Variants in NXPE2 observed in about 807,000 individuals in gnomAD.
NXPE2 encodes the protein NXPE family member 2.
NXPE2 carries 34 observed loss-of-function variants against 34.4 expected under a neutral mutation model. The ratio of observed to expected loss-of-function variants is 0.99; its 90% CI spans 0.75 to 1.31. The LOEUF is 1.31. NXPE2 is among the 40% of genes most tolerant of loss of function. NXPE2 has a pLI of 0.00. For missense variants in NXPE2, 649 were observed against 672.5 expected (o/e 0.97, Z 0.39); for synonymous variants, 235 against 231.3 (o/e 1.02, Z -0.15).
the NXPE2 span, among the ~76,000 whole-genome samples, chr11:114,622,352 G>T: frequency 2.6e-4 from 40 of 151,942 alleles, no homozygotes; most frequent in Non-Finnish European, 5.3e-4. Context: ...GTGTTGCCTC[G>T]TGGGTAACCA....
the NXPE2 span, among the ~76,000 whole-genome samples, chr11:114,785,810 A>G: frequency 6.6e-6 from 1 of 152,176 alleles, no homozygotes; most frequent in Non-Finnish European, 1.5e-5. Flanking sequence ...CCTAAATCCT[A>G]TTTTATAATA....
At chr11:114,672,978 G>T in the NXPE2 span, among the ~76,000 whole-genome samples, 1 of 150,780 alleles carries the variant, frequency 6.6e-6, no homozygotes, top group Admixed American at 6.6e-5. Context: ...AGAACATTCT[G>T]CCCAACAACA....
At chr11:114,513,284 A>T in the NXPE2 span, 1 of 468,270 alleles carries the variant, frequency 2.1e-6, no homozygotes. Flanking sequence ...GGTTGTGTTC[A>T]TGTGGGTGAA....
At chr11:114,764,706 C>T in the NXPE2 span, among the ~76,000 whole-genome samples, 2 of 152,124 alleles carry the variant, frequency 1.3e-5, no homozygotes, top group Non-Finnish European at 2.9e-5. Flanking sequence ...CTATACTAAC[C>T]TCAGGAGGCA....
the NXPE2 span, among the ~76,000 whole-genome samples, chr11:114,597,899 C>G: frequency 6.6e-6 from 1 of 152,050 alleles, no homozygotes; most frequent in Non-Finnish European, 1.5e-5. Context: ...TCTCACATTT[C>G]AAAATACAAT....
chr11:114,644,002 G>A, the NXPE2 span, among the ~76,000 whole-genome samples: 1 of 151,992 alleles, frequency 6.6e-6, no homozygotes, highest in African/African-American at 2.4e-5. Flanking sequence ...TGTATTGCTA[G>A]GCATTTTATT....
the NXPE2 span, among the ~76,000 whole-genome samples, chr11:114,535,178 A>C: frequency 6.6e-6 from 1 of 152,170 alleles, no homozygotes; most frequent in African/African-American, 2.4e-5. Context: ...ATCCAACCAA[A>C]CTAAGCTTCA....
chr11:114,807,925 T>A, the NXPE2 span, among the ~76,000 whole-genome samples: 1 of 152,168 alleles, frequency 6.6e-6, no homozygotes, highest in African/African-American at 2.4e-5. Flanking sequence ...TACTCCAAAA[T>A]TGACCACATA....
chr11:114,649,870 G>A, the NXPE2 span, among the ~76,000 whole-genome samples: 3 of 152,302 alleles, frequency 2.0e-5, no homozygotes, highest in Non-Finnish European at 4.4e-5. Flanking sequence ...CAGTTACAAT[G>A]TTTTACTAAG....
chr11:114,598,941 T>G, the NXPE2 span, among the ~76,000 whole-genome samples: 123 of 152,342 alleles, frequency 8.1e-4, 1 homozygote, highest in African/African-American at 2.8e-3. Context: ...TTATGCAAAT[T>G]TCTGCAGCCT....
chr11:114,624,638 A>G, the NXPE2 span, among the ~76,000 whole-genome samples: 4 of 152,012 alleles, frequency 2.6e-5, no homozygotes, highest in African/African-American at 9.7e-5. Context: ...CCCAGTGGAT[A>G]ATAAGTATTG....
chr11:114,779,482 C>T, the NXPE2 span, among the ~76,000 whole-genome samples: 15 of 152,058 alleles, frequency 9.9e-5, no homozygotes, highest in Admixed American at 3.9e-4. Flanking sequence ...CCACTTGGAG[C>T]GGGGAGATCG....
At chr11:114,470,384 C>T in the NXPE2 span, among the ~76,000 whole-genome samples, 1 of 152,110 alleles carries the variant, frequency 6.6e-6, no homozygotes. Flanking sequence ...GGATTTTAGA[C>T]ATTTAAATAG....
At chr11:114,691,150 T>G (rs556506942) in intron 2 of NXPE2, among the ~76,000 whole-genome samples, 1 of 152,270 alleles carries the variant, frequency 6.6e-6, no homozygotes, top group African/African-American at 2.4e-5. Context: ...AACACTCTGG[T>G]TTTTTGTATT....
the NXPE2 span, among the ~76,000 whole-genome samples, chr11:114,627,754 T>A: frequency 1.3e-5 from 2 of 152,128 alleles, no homozygotes; most frequent in African/African-American, 4.8e-5. Context: ...GACCCATCAG[T>A]GTGCTGTATT....
chr11:114,488,630 G>A, the NXPE2 span, among the ~76,000 whole-genome samples: 2 of 152,052 alleles, frequency 1.3e-5, no homozygotes, highest in South Asian at 4.2e-4. Context: ...ACGAAATGAA[G>A]GCAGAAATAA....
At chr11:114,810,919 C>A in the NXPE2 span, among the ~76,000 whole-genome samples, 5 of 152,100 alleles carry the variant, frequency 3.3e-5, no homozygotes, top group Non-Finnish European at 5.9e-5. Context: ...TTCACAATAG[C>A]AAAGACTTGG....
chr11:114,786,366 C>CCG, the NXPE2 span, among the ~76,000 whole-genome samples: 1 of 132,018 alleles, frequency 7.6e-6, no homozygotes, highest in Non-Finnish European at 1.6e-5. Context: ...CCCCCGCCCC[C>CCG]CGCCCCACCC....
At chr11:114,671,036 AAT>A in the NXPE2 span, among the ~76,000 whole-genome samples, 1 of 148,144 alleles carries the variant, frequency 6.8e-6, no homozygotes, top group East Asian at 1.9e-4. Context: ...AATAAGGACA[AAT>A]ATATATATAT....
Sources: allele counts gnomAD v4.1 joint callset (sites outside exome capture counted in the v4.1 genomes callset), GRCh38; gene constraint gnomAD v4.1.1; transcripts MANE v1.5; gene names NCBI Gene and HGNC (gene_info 2026-07-23, HGNC 2026-07-21).